Variants in ZNF451 observed in about 807,000 individuals in gnomAD.
The protein encoded by ZNF451 is E3 SUMO-protein ligase ZNF451.
In ZNF451, 80 loss-of-function variants were observed where a neutral mutation model predicts 107.1. That is an observed-to-expected ratio of 0.75 (90% CI 0.62 to 0.90). The LOEUF is 0.90. Among genes scored for constraint, ZNF451 ranks in the 40% least tolerant of loss-of-function variants. The probability of loss-of-function intolerance (pLI) is 0.00; values close to 1 mark genes in which losing one functional copy is unlikely to be tolerated. For missense variants in ZNF451, 1,107 were observed against 1,236.2 expected (o/e 0.90, Z 1.57); for synonymous variants, 362 against 406.5 (o/e 0.89, Z 1.32).
chr6:57,161,161 ATAGAGT>A lies in ZNF451; in HGVS notation c.3139+12_3139+17del, dbSNP rs553572523. On this transcript the variant is annotated intron_variant, in intron 14 of 14. Transcript: ENST00000370706. ...ATTTATATCCACAGAAGGTAACCTA[ATAGAGT>A]TAATCTCTTTTCTACTTGACTGTAT... 9.0e-5 allele frequency: 132 copies of A among 1,462,336 alleles called. No individual in the cohort carries two copies. The African/African-American group carries it at 1.6e-3, about 18-fold the overall frequency. 90.6% of individuals were successfully genotyped at this position (1,462,336 alleles called of 1,614,324 possible).
Position 57,112,147 on chromosome 6 carries a change from G to A in ZNF451, c.187-12587G>A, listed in dbSNP as rs76107757. Among the ~76,000 whole-genome samples the A allele has an allele frequency of 8.3e-4, 126 of 152,254 alleles. 1 individual carries two copies. In the East Asian group the frequency reaches 0.02, roughly 24 times the overall value. On this transcript the variant is annotated intron_variant, in intron 3 of 14. Transcript: ENST00000370706. ...CTTTTCAAAGTGTTATTTGGGATAC[G>A]GGTTTGAGTTATATAAGTTGAGTAG...
At chr6:57,152,120 C>A in intron 11 of ZNF451, 101 bp from the exon 12 acceptor site, 1 of 1,182,826 alleles carries the variant, frequency 8.5e-7, no homozygotes, top group Non-Finnish European at 1.2e-6. Context: ...AGTACTTTGC[C>A]TCTAGAAAAA....
At chr6:57,109,454 A>T in intron 3 of ZNF451, 1 of 985,426 alleles carries the variant, frequency 1.0e-6, no homozygotes, top group African/African-American at 1.7e-5. Flanking sequence ...TTACTCTCAA[A>T]TGAGGTAATA....
intron 11 of ZNF451, 189 bp downstream of exon 11, chr6:57,151,051 T>C (rs1415437154): frequency 3.1e-6 from 2 of 636,706 alleles, no homozygotes; most frequent in Non-Finnish European, 4.9e-6. Context: ...GTTAGCTCTA[T>C]CTGGTGACTC....
At chr6:57,108,189 G>T in intron 3 of ZNF451, 1 of 985,370 alleles carries the variant, frequency 1.0e-6, no homozygotes, top group African/African-American at 1.7e-5. Flanking sequence ...AGTGCTTCAA[G>T]AATTGTGTTC....
chr6:57,148,435 G>A lies in ZNF451; in HGVS notation c.2350G>A (p.Glu784Lys). ...GCACAAAGAAAAGAGTGATGAGGAG[G>A]AGCAGCAGTATGTAATCAAGTGTGG... ...QVHKEKSDEE[E>K]QQYVIKCGTC... Residue 784 changes from glutamate (E) to lysine (K), a missense_variant, in exon 10 of 15, where the codon GAG (glutamate) becomes AAG (lysine). Transcript: ENST00000370706. 6.2e-7 allele frequency: 1 copy of A among 1,613,900 alleles called. No homozygotes were observed. Among genetic ancestry groups the A allele is most frequent in the East Asian group, 2.2e-5 (1 of 44,846 alleles).
chr6:57,120,285 A>G (rs1830576889), intron 3 of ZNF451, among the ~76,000 whole-genome samples: 1 of 152,154 alleles, frequency 6.6e-6, no homozygotes, highest in Non-Finnish European at 1.5e-5. Context: ...ATAATGTTCT[A>G]TTGTCTGAAT....
chr6:57,137,022 T>C (rs1277026322), intron 7 of ZNF451, among the ~76,000 whole-genome samples: 3 of 152,238 alleles, frequency 2.0e-5, no homozygotes. Flanking sequence ...TCTGTGAGTT[T>C]AGTTTCTTCA....
At chr6:57,154,179 T>G in intron 13 of ZNF451, 132 bp downstream of exon 13, 1 of 802,608 alleles carries the variant, frequency 1.2e-6, no homozygotes, top group Non-Finnish European at 2.0e-6. Flanking sequence ...TACTTCTATC[T>G]TACTTATCTT....
At chr6:57,141,130 C>G (rs1831735668) in intron 7 of ZNF451, among the ~76,000 whole-genome samples, 172 bp from the exon 8 acceptor site, 1 of 152,050 alleles carries the variant, frequency 6.6e-6, no homozygotes, top group Non-Finnish European at 1.5e-5. Context: ...CATTTGGGAC[C>G]TCGGTTATGA....
chr6:57,120,583 G>C (rs1830593222), intron 3 of ZNF451, among the ~76,000 whole-genome samples: 1 of 152,202 alleles, frequency 6.6e-6, no homozygotes, highest in Admixed American at 6.5e-5. Context: ...TGTTTTAGAT[G>C]TGGCCGTTCT....
At chr6:57,122,055 A>C (rs1830664499) in intron 3 of ZNF451, among the ~76,000 whole-genome samples, 2 of 152,184 alleles carry the variant, frequency 1.3e-5, no homozygotes, top group African/African-American at 4.8e-5. Context: ...TAAGTTAGGG[A>C]ACCCAGGAAT....
chr6:57,091,690 G>C (rs1485481077), intron 2 of ZNF451, among the ~76,000 whole-genome samples: 1 of 152,170 alleles, frequency 6.6e-6, no homozygotes, highest in Non-Finnish European at 1.5e-5. Flanking sequence ...TGGTATCTCA[G>C]CTCGCCAGGC....
chr6:57,117,385 T>C (rs961441562), intron 3 of ZNF451, among the ~76,000 whole-genome samples: 8 of 152,090 alleles, frequency 5.3e-5, no homozygotes, highest in South Asian at 2.1e-4. Context: ...AAATAAAATA[T>C]GTAGGCTACT....
chr6:57,167,414 T>C (rs1763947837), intron 14 of ZNF451, among the ~76,000 whole-genome samples: 1 of 152,190 alleles, frequency 6.6e-6, no homozygotes, highest in Admixed American at 6.5e-5. Context: ...AGACAAGTCT[T>C]GTCCCCTTGT....
intron 14 of ZNF451, among the ~76,000 whole-genome samples, chr6:57,163,008 G>A (rs1219884357): frequency 1.3e-5 from 2 of 152,178 alleles, no homozygotes; most frequent in Admixed American, 6.5e-5. Context: ...GAATGTGTTT[G>A]TGTTTTGTAT....
chr6:57,112,544 C>T (rs1562598259), intron 3 of ZNF451, among the ~76,000 whole-genome samples: 1 of 152,130 alleles, frequency 6.6e-6, no homozygotes, highest in East Asian at 1.9e-4. Flanking sequence ...GTGTATATCC[C>T]CTCACCTTAT....
chr6:57,095,520 A>G (rs1593071532), intron 2 of ZNF451, among the ~76,000 whole-genome samples: 1 of 151,746 alleles, frequency 6.6e-6, no homozygotes, highest in African/African-American at 2.4e-5. Flanking sequence ...TTTTGTAGAG[A>G]TGAGGTCTCA....
intron 3 of ZNF451, chr6:57,124,377 CT>C: frequency 2.8e-6 from 2 of 708,592 alleles, no homozygotes. Context: ...AAGGTTTCTG[CT>C]TTAGTAAGTC....
Sources: allele counts gnomAD v4.1 joint callset (sites outside exome capture counted in the v4.1 genomes callset), GRCh38; gene constraint gnomAD v4.1.1; transcripts MANE v1.5; gene names NCBI Gene and HGNC (gene_info 2026-07-23, HGNC 2026-07-21).